The following NDRG4 variants were observed in gnomAD, a reference collection of about 807,000 sequenced individuals.
NDRG4 encodes the protein NDRG family member 4.
In NDRG4, 38 loss-of-function variants were observed where a neutral mutation model predicts 55.8. The observed-to-expected ratio is 0.68, with a 90% CI of 0.53 to 0.89. The LOEUF is 0.89. Among genes scored for constraint, NDRG4 ranks in the 40% least tolerant of loss-of-function variants. The pLI is 0.00. For missense variants in NDRG4, 455 were observed against 468.6 expected (o/e 0.97, Z 0.27); for synonymous variants, 190 against 182.7 (o/e 1.04, Z -0.32).
chr16:58,495,349 G>A (rs2151736784), upstream of NDRG4: 1 of 256,942 alleles, frequency 3.9e-6, no homozygotes. Flanking sequence ...GTTCTCCGTG[G>A]AAACTGAAAG....
At chr16:58,502,669 C>T (rs1276210587) in intron 1 of NDRG4, among the ~76,000 whole-genome samples, 1 of 152,226 alleles carries the variant, frequency 6.6e-6, no homozygotes, top group Non-Finnish European at 1.5e-5. Context: ...ACTAGGGTTC[C>T]TGTCTCTTGG....
chr16:58,476,399 T>C (rs759679599), intron 1 of NDRG4, among the ~76,000 whole-genome samples: 26 of 152,352 alleles, frequency 1.7e-4, no homozygotes, highest in Admixed American at 3.3e-4. Context: ...TTGTGTCTAT[T>C]GTAATGTCCG....
In NDRG4 at chr16:58,506,625, G is replaced by C. The variant is rs763618919; in HGVS notation, c.516+11G>C. On this transcript the variant is annotated intron_variant, in intron 7 of 14. Transcript: ENST00000570248. ...CACCTCTTCAGCCAGGTAAGGGGGG[G>C]AACTTCTGCAGATCTGGGGTGATCT... 3 of 1,549,900 alleles carry C rather than the reference G, an allele frequency of 1.9e-6. No homozygotes were observed. In the Admixed American group the frequency reaches 6.2e-5, roughly 32 times the overall value.
intron 1 of NDRG4, chr16:58,501,223 C>A: frequency 2.4e-6 from 1 of 424,888 alleles, no homozygotes; most frequent in Non-Finnish European, 4.0e-6. Context: ...CCTGCCCGCC[C>A]ATGCAGACCC....
At chr16:58,505,311 T>C (rs2037759909) in intron 5 of NDRG4, among the ~76,000 whole-genome samples, 1 of 150,996 alleles carries the variant, frequency 6.6e-6, no homozygotes, top group Non-Finnish European at 1.5e-5. Flanking sequence ...ATCGCGCCAC[T>C]GCACTCCAGC....
chr16:58,476,307 T>C (rs1435725753), intron 1 of NDRG4, among the ~76,000 whole-genome samples: 1 of 152,244 alleles, frequency 6.6e-6, no homozygotes, highest in Non-Finnish European at 1.5e-5. Flanking sequence ...ACTGGTTCCC[T>C]ATAGAAGCTG....
At chr16:58,488,989 G>T (rs1011531216) in intron 2 of NDRG4, among the ~76,000 whole-genome samples, 1 of 151,960 alleles carries the variant, frequency 6.6e-6, no homozygotes, top group African/African-American at 2.4e-5. Flanking sequence ...TTCTGCCTTC[G>T]CTCTGTACCC....
intron 2 of NDRG4, among the ~76,000 whole-genome samples, chr16:58,488,241 C>T (rs1038227899): frequency 6.6e-6 from 1 of 152,188 alleles, no homozygotes; most frequent in South Asian, 2.1e-4. Flanking sequence ...TCCGTCTGTG[C>T]GCTCTTTTCC....
intron 2 of NDRG4, among the ~76,000 whole-genome samples, chr16:58,494,516 T>C (rs2151731532): frequency 6.6e-6 from 1 of 152,248 alleles, no homozygotes; most frequent in African/African-American, 2.4e-5. Flanking sequence ...TCCAGCACTT[T>C]CTAGCCCTGT....
At chr16:58,495,867 G>A (rs1029221684), upstream of NDRG4, among the ~76,000 whole-genome samples, 57 of 152,338 alleles carry the variant, frequency 3.7e-4, no homozygotes, top group African/African-American at 1.1e-3. Flanking sequence ...GAGCTGGAAG[G>A]AGAGGCTAGG....
rs150642322 is a variant in NDRG4 at position 58,482,631 on chromosome 16, TTTCC to T, written c.-23-5113_-23-5110del. On this transcript the variant is annotated intron_variant, in intron 1 of 15. Coordinates refer to the NDRG4 transcript ENST00000258187. ...TTTTTTTCTCCTCTTCTCTTCTCTT[TTTCC>T]TTCCTTCCTTCTCTCTTTTCTCTCT... Among the ~76,000 whole-genome samples, 1,052 of 151,556 alleles carry T rather than the reference TTTCC, an allele frequency of 6.9e-3. 12 individuals are homozygous for T. Among genetic ancestry groups the T allele is most frequent in the African/African-American group, 0.024 (990 of 41,194 alleles).
chr16:58,487,844 C>G, exon 2 of NDRG4: 1 of 1,537,112 alleles, frequency 6.5e-7, no homozygotes, highest in Non-Finnish European at 8.8e-7. Flanking sequence ...AGGACGCCAC[C>G]GAGCTGGTGA....
In NDRG4 at chr16:58,487,706, G is replaced by T. The variant is rs903268631; in HGVS notation, c.-23-50G>T. ...GCCCCGACTTGCGCTGTCCTTCTCCGCCCGGGCGTCCCCGCCGCAGCAGGC... is the reference window on the plus strand; with the variant it reads ...GCCCCGACTTGCGCTGTCCTTCTCCTCCCGGGCGTCCCCGCCGCAGCAGGC... On this transcript the variant is annotated intron_variant, in intron 1 of 15. Transcript: ENST00000258187. 3.5e-6 allele frequency: 5 copies of T among 1,411,390 alleles called. No homozygotes were observed. The Admixed American group carries it at 6.8e-5, about 19-fold the overall frequency. The allele number at this position is 1,411,390 out of a possible 1,614,324, so 87.4% of individuals were successfully genotyped here.
intron 2 of NDRG4, among the ~76,000 whole-genome samples, chr16:58,492,891 C>T (rs2035968309): frequency 6.6e-6 from 1 of 152,038 alleles, no homozygotes; most frequent in Non-Finnish European, 1.5e-5. Flanking sequence ...CCAGCCCCAT[C>T]CTTTCCCTCC....
intron 1 of NDRG4, among the ~76,000 whole-genome samples, chr16:58,470,064 C>T (rs2032477000): frequency 6.6e-6 from 1 of 152,218 alleles, no homozygotes; most frequent in South Asian, 2.1e-4. Context: ...ATACACAACA[C>T]ATTAACAGTG....
rs1363051238 is a variant in NDRG4, at chr16:58,513,055, G to A, written c.*1479G>A. On this transcript the variant is annotated 3_prime_UTR_variant, in exon 15 of 15. Transcript: ENST00000570248. ...CATGTGCTTCTTCTGAATACTGAAT[G>A]TGACTGTTTGAAAGCTGGTAGAATT... The A allele has an allele frequency of 2.0e-5, 3 of 152,666 alleles. No individual in the cohort carries two copies. Among genetic ancestry groups the A allele is most frequent in the Non-Finnish European group, 4.4e-5 (3 of 68,044 alleles). 9.5% of individuals were successfully genotyped at this position (152,666 alleles called of 1,614,324 possible).
At chr16:58,477,846 G>T (rs1286696207) in intron 1 of NDRG4, among the ~76,000 whole-genome samples, 1 of 152,166 alleles carries the variant, frequency 6.6e-6, no homozygotes, top group African/African-American at 2.4e-5. Context: ...TTCCCACACT[G>T]CTTACAAAGG....
At position 58,506,614 on chromosome 16, in the gene NDRG4, G is replaced by T; in HGVS notation, c.516G>T (p.Gln172His). 6.4e-7 allele frequency: 1 copy of T among 1,553,126 alleles called. No individual in the cohort carries two copies. The highest frequency in any genetic ancestry group is 1.4e-5 in the African/African-American group (1 of 72,948). Reference sequence around the variant, plus strand: ...CGGTGCTCTCCCACCTCTTCAGCCAGGTAAGGGGGGGAACTTCTGCAGATC... The same window carrying T: ...CGGTGCTCTCCCACCTCTTCAGCCATGTAAGGGGGGGAACTTCTGCAGATC... ...PDTVLSHLFS[Q>H]EELVNNTELV... The change falls in exon 7 of 15, where the codon CAG (glutamine) becomes CAT (histidine). Residue 172 changes from glutamine to histidine, a missense_variant and splice_region_variant. Transcript: ENST00000570248.
Position 58,468,722 on chromosome 16 carries a change from T to G in NDRG4, c.-24+4925T>G, listed in dbSNP as rs144149359. ...GGCAACAGAGCGAGTCTCAAAAATA[T>G]ATATATTGTGGGGAGCCAAGATGAT... On this transcript the variant is annotated intron_variant, in intron 1 of 15. Coordinates refer to the NDRG4 transcript ENST00000258187. Among the ~76,000 whole-genome samples the G allele has an allele frequency of 3.7e-3, 565 of 152,154 alleles. 3 individuals carry two copies. The highest frequency in any genetic ancestry group is 0.013 in the African/African-American group (534 of 41,518).
Sources: allele counts gnomAD v4.1 joint callset (sites outside exome capture counted in the v4.1 genomes callset), GRCh38; gene constraint gnomAD v4.1.1; transcripts MANE v1.5; gene names NCBI Gene and HGNC (gene_info 2026-07-23, HGNC 2026-07-21).